Variants in PBX3 observed in about 807,000 individuals in gnomAD.
PBX3 encodes the protein pre-B-cell leukemia transcription factor 3.
Under a neutral mutation model 48.5 loss-of-function variants are expected in PBX3, and 14 were observed. That is an observed-to-expected ratio of 0.29 (90% CI 0.19 to 0.45). The LOEUF (loss-of-function observed/expected upper bound fraction) is 0.45. PBX3 is among the 20% of genes least tolerant of loss of function. PBX3 has a pLI of 1.00. For missense variants in PBX3, 386 were observed against 546.7 expected, an observed-to-expected ratio of 0.71 and a Z score of 2.93; for synonymous variants, 210 against 200.3, an observed-to-expected ratio of 1.05 and a Z score of -0.41.
chr9:125,934,497 T>C (rs1841791045), intron 4 of PBX3, among the ~76,000 whole-genome samples: 1 of 152,202 alleles, frequency 6.6e-6, no homozygotes, highest in African/African-American at 2.4e-5. Context: ...AAAATCTTAA[T>C]AACAAAACCC....
chr9:125,808,172 G>C (rs974693355), intron 2 of PBX3, among the ~76,000 whole-genome samples: 3 of 152,142 alleles, frequency 2.0e-5, no homozygotes, highest in African/African-American at 7.2e-5. Flanking sequence ...TTTTCCTAAG[G>C]AGTGGTCTAT....
intron 2 of PBX3, among the ~76,000 whole-genome samples, chr9:125,760,511 A>C (rs1038587712): frequency 6.6e-6 from 1 of 152,168 alleles, no homozygotes; most frequent in Non-Finnish European, 1.5e-5. Flanking sequence ...AGCATGGCAT[A>C]TTGTGATGAT....
rs1836609475 is a variant in PBX3, at chr9:125,759,553, C to G, written c.274+10930C>G. On this transcript the variant is annotated intron_variant, in intron 2 of 8. Transcript: ENST00000373489. The surrounding 1 kb of genome is among the most constrained non-coding windows in gnomAD (Gnocchi z 4.2). The stretch of plus-strand genomic sequence containing the variant: ...TGTAATCGCACATTTACATATGCTT[C>G]TAATTGTTGATTTGGGGATTTTCTA... 6.6e-6 allele frequency among the ~76,000 whole-genome samples: 1 copy of G among 152,152 alleles called. No individual in the cohort carries two copies. Among genetic ancestry groups the G allele is most frequent in the Admixed American group, 6.5e-5 (1 of 15,282 alleles).
At chr9:125,859,991 T>G (rs905567714) in intron 2 of PBX3, among the ~76,000 whole-genome samples, 3 of 152,218 alleles carry the variant, frequency 2.0e-5, no homozygotes, top group Non-Finnish European at 2.9e-5. Context: ...CTGTTGGGCT[T>G]AAATCTCCTA....
At chr9:125,769,978 AT>A (rs1323261192) in intron 2 of PBX3, among the ~76,000 whole-genome samples, 2 of 152,176 alleles carry the variant, frequency 1.3e-5, no homozygotes, top group Admixed American at 6.5e-5. Flanking sequence ...TTGCTATCAC[AT>A]TGGTTAAGCA....
intron 2 of PBX3, among the ~76,000 whole-genome samples, chr9:125,911,379 A>C (rs1841199915): frequency 6.6e-6 from 1 of 152,084 alleles, no homozygotes; most frequent in African/African-American, 2.4e-5. Context: ...GGCTGACTTG[A>C]TTTTTAAATG....
intron 2 of PBX3, among the ~76,000 whole-genome samples, chr9:125,879,386 C>T (rs1327153099): frequency 1.3e-5 from 2 of 152,090 alleles, no homozygotes; most frequent in Non-Finnish European, 2.9e-5. Context: ...CGGCCAAAGA[C>T]ATGCTATTCT....
chr9:125,964,999 C>T (rs926822144), intron 8 of PBX3, among the ~76,000 whole-genome samples: 1 of 152,240 alleles, frequency 6.6e-6, no homozygotes, highest in African/African-American at 2.4e-5. Context: ...CCAGAAAGGC[C>T]TGCCCCATCA....
In PBX3 at chr9:125,752,841, TA is replaced by T. The variant is rs1178583929; in HGVS notation, c.274+4219del. Among the ~76,000 whole-genome samples, 16 of 152,224 alleles carry T rather than the reference TA, an allele frequency of 1.1e-4. 1 individual carries two copies. Among genetic ancestry groups the T allele is most frequent in the African/African-American group, 3.9e-4 (16 of 41,460 alleles). Reference sequence around the variant, plus strand: ...TAAGTTGCTCTTGCACTATTTCCAATATAATTATCATCTTTTGTTTCAAGTT... The same window carrying T: ...TAAGTTGCTCTTGCACTATTTCCAATTAATTATCATCTTTTGTTTCAAGTT... On this transcript the variant is annotated intron_variant, in intron 2 of 8. Coordinates refer to ENST00000373489, the MANE Select transcript of PBX3 (RefSeq NM_006195.6).
At chr9:125,964,664 C>T (rs988517129) in intron 8 of PBX3, among the ~76,000 whole-genome samples, 1 of 152,136 alleles carries the variant, frequency 6.6e-6, no homozygotes, top group Non-Finnish European at 1.5e-5. Context: ...CATGCCAACT[C>T]TGCAGTGAAT....
chr9:125,873,839 G>A (rs1233382066), intron 2 of PBX3, among the ~76,000 whole-genome samples: 1 of 152,052 alleles, frequency 6.6e-6, no homozygotes, highest in Admixed American at 6.6e-5. Flanking sequence ...AAAACTTGAA[G>A]ATGAGTTAAA....
At chr9:125,862,896 T>A (rs781342923) in intron 2 of PBX3, among the ~76,000 whole-genome samples, 5 of 151,910 alleles carry the variant, frequency 3.3e-5, no homozygotes, top group Non-Finnish European at 7.4e-5. Context: ...TGTATGATTT[T>A]TATTTTATTT....
intron 1 of PBX3, 65 bp downstream of exon 1, chr9:125,747,718 G>T (rs1836232840): frequency 1.6e-6 from 2 of 1,274,516 alleles, no homozygotes; most frequent in Non-Finnish European, 2.1e-6. Flanking sequence ...GCCGAGTCGA[G>T]GCCCGGGGTG....
intron 2 of PBX3, among the ~76,000 whole-genome samples, chr9:125,780,959 GGTT>G (rs1837282394): frequency 1.7e-5 from 2 of 120,098 alleles, no homozygotes; most frequent in Non-Finnish European, 3.4e-5. Context: ...TCCCAGACGG[GGTT>G]GCGGCCGGGC....
intron 2 of PBX3, among the ~76,000 whole-genome samples, chr9:125,823,869 A>G (rs2132167568): frequency 6.6e-6 from 1 of 152,220 alleles, no homozygotes; most frequent in South Asian, 2.1e-4. Context: ...TGAGGTCAGG[A>G]GTTCGAGACC....
chr9:125,913,243 C>T (rs1841245353), intron 2 of PBX3, among the ~76,000 whole-genome samples: 1 of 151,954 alleles, frequency 6.6e-6, no homozygotes, highest in African/African-American at 2.4e-5. Context: ...AAATTTGATG[C>T]ACATAATTTA....
intron 2 of PBX3, among the ~76,000 whole-genome samples, chr9:125,868,179 GT>G (rs56660114): frequency 0.042 from 6,209 of 147,414 alleles, 302 homozygotes; most frequent in East Asian, 0.17. Flanking sequence ...CCAGACTGCA[GT>G]TTTTTTTTTT....
intron 3 of PBX3, among the ~76,000 whole-genome samples, chr9:125,918,065 A>G (rs1265444172): frequency 6.6e-6 from 1 of 152,216 alleles, no homozygotes; most frequent in Non-Finnish European, 1.5e-5. Flanking sequence ...TTATGCTAAA[A>G]TAACTATAAC....
At chr9:125,805,916 A>C (rs1022375551) in intron 2 of PBX3, among the ~76,000 whole-genome samples, 1 of 152,302 alleles carries the variant, frequency 6.6e-6, no homozygotes, top group Admixed American at 6.5e-5. Flanking sequence ...AAACAGATAA[A>C]ATTTCTTATC....
Sources: gnomAD v4.1 joint callset for allele counts (sites outside exome capture counted in the v4.1 genomes callset) on GRCh38, gnomAD v4.1.1 for gene constraint, Gnocchi (gnomAD v3.1) non-coding constraint, MANE v1.5 for transcripts, NCBI Gene and HGNC (gene_info 2026-07-23, HGNC 2026-07-21) for gene names.